Variants in F13A1 observed in about 807,000 individuals in gnomAD.
F13A1 encodes FSF, A subunit.
In F13A1, 47 loss-of-function variants were observed where a neutral mutation model predicts 80.1. The ratio of observed to expected loss-of-function variants is 0.59; its 90% confidence interval spans 0.46 to 0.75. The LOEUF (loss-of-function observed/expected upper bound fraction) is 0.75. Among genes scored for constraint, F13A1 ranks in the 30% least tolerant of loss-of-function variants. The probability of loss-of-function intolerance (pLI) is 0.00; values close to 1 mark genes in which losing one functional copy is unlikely to be tolerated. For synonymous variants in F13A1, 349 were observed against 344.9 expected, an observed-to-expected ratio of 1.01 and a Z score of -0.13; for missense variants, 817 against 930.4, an observed-to-expected ratio of 0.88 and a Z score of 1.59.
intron 2 of F13A1, among the ~76,000 whole-genome samples, chr6:6,314,966 T>C (rs550054766): frequency 6.6e-6 from 1 of 152,044 alleles, no homozygotes; most frequent in South Asian, 2.1e-4. Flanking sequence ...TGACAAGGAG[T>C]GGTGGGATGG....
intron 1 of F13A1, among the ~76,000 whole-genome samples, chr6:6,320,302 C>T (rs185686620): frequency 3.3e-5 from 5 of 152,332 alleles, no homozygotes; most frequent in African/African-American, 1.2e-4. Flanking sequence ...GGGGGCTCGT[C>T]CCTTGGGGAA....
intron 13 of F13A1, among the ~76,000 whole-genome samples, chr6:6,155,625 G>A (rs574709972): frequency 2.9e-4 from 44 of 152,100 alleles, no homozygotes; most frequent in African/African-American, 1.0e-3. Flanking sequence ...CAAACTAAAT[G>A]TAAAAACCTA....
At position 6,197,338 on chromosome 6, in the gene F13A1, C is replaced by A; in HGVS notation, c.1113-12G>T. Reference sequence around the variant, plus strand: ...AGCAGTGGTAGTTCCTTAGAAAACACAAGCCCAGAAAGGTTAAACTTCCCA... The same window carrying A: ...AGCAGTGGTAGTTCCTTAGAAAACAAAAGCCCAGAAAGGTTAAACTTCCCA... On this transcript the variant is annotated splice_polypyrimidine_tract_variant and intron_variant, in intron 8 of 14. Transcript: ENST00000264870. 1 of 1,612,822 alleles carries A rather than the reference C, an allele frequency of 6.2e-7. No homozygotes were observed. The highest frequency in any genetic ancestry group is 8.5e-7 in the Non-Finnish European group (1 of 1,178,898).
chr6:6,304,427 T>G lies in F13A1; in HGVS notation c.319+924A>C, dbSNP rs371240450. Among the ~76,000 whole-genome samples the G allele has an allele frequency of 3.2e-4, 48 of 152,286 alleles. 1 individual carries two copies. Among genetic ancestry groups the G allele is most frequent in the East Asian group, 3.1e-3 (16 of 5,192 alleles). On this transcript the variant is annotated intron_variant, in intron 3 of 14. Transcript: ENST00000264870. ...ATAATCTTATAAATTCCTATAGAAA[T>G]GTTTACCAAAATGTGTCAAAAGTTA...
Position 6,249,255 on chromosome 6 carries a change from C to G in F13A1, c.691-836G>C, listed in dbSNP as rs138690309. Among the ~76,000 whole-genome samples, 45 of 152,326 alleles carry G rather than the reference C, an allele frequency of 3.0e-4. No individual in the cohort carries two copies. The East Asian group carries it at 5.6e-3, about 19-fold the overall frequency. On this transcript the variant is annotated intron_variant, in intron 5 of 14. Coordinates refer to ENST00000264870, the MANE Select transcript of F13A1 (RefSeq NM_000129.4). The stretch of plus-strand genomic sequence containing the variant: ...ATTACCACACAATTCTTTATTCAGT[C>G]CAGTTAGAATACCCACTCTGGGTGT...
intron 4 of F13A1, among the ~76,000 whole-genome samples, chr6:6,263,113 T>A (rs569330736): frequency 3.9e-5 from 6 of 152,346 alleles, no homozygotes; most frequent in African/African-American, 4.8e-5. Context: ...TCCGTCACCA[T>A]AAAATAACAC....
chr6:6,319,106 C>T (rs527249050), intron 1 of F13A1, among the ~76,000 whole-genome samples: 14 of 152,174 alleles, frequency 9.2e-5, no homozygotes, highest in Admixed American at 2.6e-4. Context: ...TAAGAATAAA[C>T]GCACACAACC....
intron 3 of F13A1, among the ~76,000 whole-genome samples, chr6:6,301,191 A>T (rs911443315): frequency 2.0e-4 from 30 of 152,262 alleles, no homozygotes; most frequent in African/African-American, 7.2e-4. Flanking sequence ...TTTCCCCAGC[A>T]ATGTTCTTTT....
rs189428313 is a variant in F13A1 at position 6,317,401 on chromosome 6, C to T, written c.130+1134G>A. Among the ~76,000 whole-genome samples the T allele has an allele frequency of 1.6e-4, 25 of 152,258 alleles. No homozygotes were observed. The East Asian group carries it at 2.5e-3, about 15-fold the overall frequency. ...CAGAACTACAAGTTCGTCTTAGCCC[C>T]TCAAACTCTACCACCTGACTGAAGA... On this transcript the variant is annotated intron_variant, in intron 2 of 14. Coordinates refer to ENST00000264870, the MANE Select transcript of F13A1 (RefSeq NM_000129.4).
chr6:6,240,903 T>A (rs1480195283), intron 6 of F13A1, among the ~76,000 whole-genome samples: 1 of 152,160 alleles, frequency 6.6e-6, no homozygotes, highest in Non-Finnish European at 1.5e-5. Context: ...TGACTTTAAC[T>A]TTAATGGTTT....
At chr6:6,227,669 T>C (rs1210098432) in intron 6 of F13A1, among the ~76,000 whole-genome samples, 1 of 152,170 alleles carries the variant, frequency 6.6e-6, no homozygotes, top group African/African-American at 2.4e-5. Flanking sequence ...AGACATAAAA[T>C]AGGCTCTATG....
At chr6:6,230,250 G>T (rs1251849402) in intron 6 of F13A1, among the ~76,000 whole-genome samples, 1 of 152,080 alleles carries the variant, frequency 6.6e-6, no homozygotes. Context: ...GGCTGTTGAG[G>T]GGGGCACGGT....
At chr6:6,206,348 T>C (rs1165367289) in intron 8 of F13A1, 2 of 404,130 alleles carry the variant, frequency 4.9e-6, no homozygotes, top group Non-Finnish European at 9.8e-6. Context: ...TAACGGTATA[T>C]ATGATGACTC....
intron 3 of F13A1, among the ~76,000 whole-genome samples, chr6:6,281,129 A>G (rs1466566593): frequency 6.6e-6 from 1 of 152,224 alleles, no homozygotes; most frequent in African/African-American, 2.4e-5. Flanking sequence ...GCAAGAGTCT[A>G]ATAAATTCAT....
At chr6:6,262,254 G>A (rs1362285348) in intron 4 of F13A1, among the ~76,000 whole-genome samples, 1 of 151,790 alleles carries the variant, frequency 6.6e-6, no homozygotes, top group Non-Finnish European at 1.5e-5. Flanking sequence ...TGACCCTCCA[G>A]GTGATTCTGA....
intron 6 of F13A1, among the ~76,000 whole-genome samples, chr6:6,245,734 CAA>C (rs1213866924): frequency 6.6e-6 from 1 of 152,208 alleles, no homozygotes; most frequent in East Asian, 1.9e-4. Flanking sequence ...AGATACCCAG[CAA>C]AGACTGGTCT....
intron 3 of F13A1, among the ~76,000 whole-genome samples, chr6:6,291,481 AT>A (rs1758223765): frequency 6.6e-6 from 1 of 151,922 alleles, no homozygotes; most frequent in Non-Finnish European, 1.5e-5. Context: ...GACTACACCC[AT>A]TTCCTCACAT....
chr6:6,242,721 A>AT (rs1274946646), intron 6 of F13A1, among the ~76,000 whole-genome samples: 11 of 152,166 alleles, frequency 7.2e-5, no homozygotes, highest in Non-Finnish European at 1.5e-4. Flanking sequence ...CCTCTACTAC[A>AT]TTTTTCTTCA....
At chr6:6,181,958 A>G in intron 11 of F13A1, 30 bp downstream of exon 11, 1 of 1,613,302 alleles carries the variant, frequency 6.2e-7, no homozygotes, top group Admixed American at 1.7e-5. Context: ...ACTTGGGCAA[A>G]TAAATCTTCA....
Sources: allele counts gnomAD v4.1 joint callset (sites outside exome capture counted in the v4.1 genomes callset), GRCh38; gene constraint gnomAD v4.1.1; transcripts MANE v1.5; gene names NCBI Gene and HGNC (gene_info 2026-07-23, HGNC 2026-07-21).